The following SCN1A variants were observed in gnomAD, a reference collection of about 807,000 sequenced individuals.
SCN1A encodes sodium channel protein type 1 subunit alpha.
A neutral mutation model predicts 193.7 loss-of-function variants in SCN1A; 13 were observed. The observed-to-expected ratio is 0.07, with a 90% CI of 0.04 to 0.11. The LOEUF (loss-of-function observed/expected upper bound fraction) is 0.11, where lower values mean the gene tolerates loss of function less well. Ranked by LOEUF, SCN1A falls within the 10% of genes least tolerant of loss-of-function variation. SCN1A has a pLI of 1.00. For missense variants in SCN1A, 1,432 were observed against 2,451.1 expected (o/e 0.58, Z 8.78); for synonymous variants, 781 against 843.6 (o/e 0.93, Z 1.29).
At chr2:166,021,836 C>T (rs1694113385) in intron 19 of SCN1A, among the ~76,000 whole-genome samples, 1 of 152,088 alleles carries the variant, frequency 6.6e-6, no homozygotes. Flanking sequence ...CAATGTTCTC[C>T]AGAGATCTCA....
chr2:165,991,210 C>A lies in SCN1A; in HGVS notation c.*35G>T, dbSNP rs1689076878. On this transcript the variant is annotated 3_prime_UTR_variant, in exon 29 of 29. Transcript: ENST00000674923. ...ATACATCACCTTCACAGGCTGTAAACAATTTGTCACCCAATTATTTTTATT... is the reference window on the plus strand; with the variant it reads ...ATACATCACCTTCACAGGCTGTAAAAAATTTGTCACCCAATTATTTTTATT... 1.9e-6 allele frequency: 3 copies of A among 1,548,386 alleles called. No individual in the cohort carries two copies. Among genetic ancestry groups the A allele is most frequent in the Non-Finnish European group, 2.6e-6 (3 of 1,137,874 alleles).
chr2:166,098,949 A>G (rs928335529), intron 2 of SCN1A, among the ~76,000 whole-genome samples: 1 of 152,200 alleles, frequency 6.6e-6, no homozygotes, highest in African/African-American at 2.4e-5. Context: ...AGCAATTTAC[A>G]GATTCAATGC....
chr2:166,123,223 C>CAAAAAAAAAAAAAAA (rs57488795), intron 2 of SCN1A, among the ~76,000 whole-genome samples: 5 of 116,416 alleles, frequency 4.3e-5, no homozygotes, highest in Admixed American at 9.6e-5. Flanking sequence ...CATTCATTTG[C>CAAAAAAAAAAAAAAA]AAAAAAAAAA....
At chr2:166,067,669 T>A (rs1016869423) in intron 4 of SCN1A, among the ~76,000 whole-genome samples, 1 of 151,618 alleles carries the variant, frequency 6.6e-6, no homozygotes, top group Non-Finnish European at 1.5e-5. Flanking sequence ...GTAATTATAC[T>A]GATATTATAT....
In SCN1A at chr2:166,045,337, A is replaced by G. The variant is rs777800447; in HGVS notation, c.1378-10T>C. 3 of 1,613,824 alleles carry G rather than the reference A, an allele frequency of 1.9e-6. No homozygotes were observed. The African/African-American group carries it at 4.0e-5, about 22-fold the overall frequency. On this transcript the variant is annotated splice_polypyrimidine_tract_variant and intron_variant, in intron 12 of 28. Transcript: ENST00000674923. ...TTGCCGTTGCTGCCTGCTATATTGA[A>G]GAGAAATGATTTTAACATAGCACCT...
At chr2:166,032,801 G>C (rs1298022927) in intron 19 of SCN1A, among the ~76,000 whole-genome samples, 1 of 151,974 alleles carries the variant, frequency 6.6e-6, no homozygotes, top group African/African-American at 2.4e-5. Flanking sequence ...TTCTTAGAAG[G>C]GTGGTGTAAA....
intron 2 of SCN1A, among the ~76,000 whole-genome samples, chr2:166,080,730 AATAGT>A (rs1685430602): frequency 6.6e-6 from 1 of 151,732 alleles, no homozygotes. Flanking sequence ...AGTGGAAAGA[AATAGT>A]AAAGTAATAG....
chr2:166,127,404 C>T (rs1420213364), intron 1 of SCN1A, among the ~76,000 whole-genome samples: 2 of 152,118 alleles, frequency 1.3e-5, no homozygotes, highest in African/African-American at 4.8e-5. Flanking sequence ...GCCAGCTAGT[C>T]CACTTCCAAA....
intron 24 of SCN1A, 196 bp from the exon 25 acceptor site, chr2:165,999,972 T>C (rs1690608044): frequency 1.6e-6 from 1 of 606,754 alleles, no homozygotes; most frequent in African/African-American, 1.9e-5. Flanking sequence ...TTGAACAAAA[T>C]GGCCATTTGA....
chr2:165,997,315 T>C lies in SCN1A; in HGVS notation c.4476+723A>G, dbSNP rs558175061. On this transcript the variant is annotated intron_variant, in intron 26 of 28. Transcript: ENST00000674923. ...AATGAGAAAATACTTATGTTAAGTC[T>C]AAAGTGGAATTTATAATTATAGATA... 4.0e-5 allele frequency among the ~76,000 whole-genome samples: 6 copies of C among 151,432 alleles called. No homozygotes were observed. The East Asian group carries it at 1.2e-3, about 29-fold the overall frequency.
At chr2:166,009,634 G>C in intron 23 of SCN1A, 85 bp downstream of exon 23, 3 of 1,338,980 alleles carry the variant, frequency 2.2e-6, no homozygotes, top group Non-Finnish European at 3.0e-6. Context: ...CATTCCTTTT[G>C]CATGCATAGA....
At chr2:166,119,799 C>T (rs2106239572) in intron 2 of SCN1A, among the ~76,000 whole-genome samples, 1 of 152,082 alleles carries the variant, frequency 6.6e-6, no homozygotes, top group East Asian at 1.9e-4. Flanking sequence ...ATTGTTTCAT[C>T]AATAATTTAA....
rs1443856106 is a variant in SCN1A at position 166,054,777 on chromosome 2, G to T, written c.474-11C>A. The T allele has an allele frequency of 1.2e-5, 19 of 1,608,906 alleles. No homozygotes were observed. The highest frequency in any genetic ancestry group is 1.6e-5 in the Non-Finnish European group (19 of 1,176,730). On this transcript the variant is annotated splice_polypyrimidine_tract_variant and intron_variant, in intron 6 of 28. Transcript: ENST00000674923. ...CCTGTGAAGGTGTATCTGAAAACAA[G>T]CATCCAAAAAATTTGATAAAGTAAC... is the stretch of plus-strand genomic sequence containing the variant.
At chr2:166,014,643 A>G (rs1044271446) in intron 20 of SCN1A, among the ~76,000 whole-genome samples, 1 of 124,670 alleles carries the variant, frequency 8.0e-6, no homozygotes, top group Non-Finnish European at 1.6e-5. Flanking sequence ...GCTCCAAGGC[A>G]AAAAAAAAAA....
At chr2:166,056,304 G>T in intron 6 of SCN1A, 107 bp downstream of exon 6, 1 of 769,604 alleles carries the variant, frequency 1.3e-6, no homozygotes, top group Non-Finnish European at 2.3e-6. Context: ...TTTTGTCTAG[G>T]AATGACTTTA....
rs1686606658 is a variant in SCN1A, at chr2:166,090,017, CTTCCTTCT to C, written c.-141-12224_-141-12217del. ...CCAAAGAAATTATCTTCCTTCCTTC[CTTCCTTCT>C]TTCCTTTTTTTTTTTTTTTTTTTTT... On this transcript the variant is annotated intron_variant, in intron 2 of 28. Transcript: ENST00000674923. 2.1e-5 allele frequency among the ~76,000 whole-genome samples: 3 copies of C among 144,258 alleles called. No individual in the cohort carries two copies. In the Admixed American group the frequency reaches 2.1e-4, roughly 10 times the overall value. The allele number at this position is 144,258 out of a possible 152,430, so 94.6% of individuals were successfully genotyped here. A position where few individuals can be genotyped will look rare whatever the true frequency, so the allele number is the denominator to read the frequency against.
At chr2:166,011,544 C>G (rs1371526973) in intron 22 of SCN1A, among the ~76,000 whole-genome samples, 9 of 151,210 alleles carry the variant, frequency 6.0e-5, no homozygotes, top group Admixed American at 2.6e-4. Context: ...CTCTACATAC[C>G]TTACTTCCTA....
chr2:166,007,218 G>T (rs1274294892), intron 23 of SCN1A: 1 of 150,990 alleles, frequency 6.6e-6, no homozygotes, highest in Non-Finnish European at 1.5e-5. Context: ...AGCAAAAGGG[G>T]TAATACAGTA....
At chr2:166,067,043 C>T (rs931032647) in intron 4 of SCN1A, among the ~76,000 whole-genome samples, 1 of 152,214 alleles carries the variant, frequency 6.6e-6, no homozygotes, top group East Asian at 1.9e-4. Flanking sequence ...CTCCCTCCTC[C>T]TTTTTAACCT....
Sources: allele counts gnomAD v4.1 joint callset (sites outside exome capture counted in the v4.1 genomes callset), GRCh38; gene constraint gnomAD v4.1.1; transcripts MANE v1.5; gene names NCBI Gene and HGNC (gene_info 2026-07-23, HGNC 2026-07-21).